The following DNAH6 variants were observed in gnomAD, a reference collection of about 807,000 sequenced individuals.
The protein encoded by DNAH6 is axonemal beta dynein heavy chain 6.
Under a neutral mutation model 491.4 loss-of-function variants are expected in DNAH6, and 340 were observed. The observed-to-expected ratio is 0.69, with a 90% confidence interval of 0.63 to 0.76. DNAH6 has a LOEUF of 0.76. DNAH6 is among the 30% of genes least tolerant of loss of function. The pLI is 0.00. For synonymous variants in DNAH6, 1,603 were observed against 1,686.1 expected, an observed-to-expected ratio of 0.95 and a Z score of 1.21; for missense variants, 4,443 against 4,972.2, an observed-to-expected ratio of 0.89 and a Z score of 3.20.
At chr2:84,766,765 G>C (rs1373543655) in intron 64 of DNAH6, among the ~76,000 whole-genome samples, 1 of 152,172 alleles carries the variant, frequency 6.6e-6, no homozygotes. Flanking sequence ...CAGAGGAGGA[G>C]GCTAAGGGGC....
At chr2:84,764,912 T>C (rs936408992) in intron 64 of DNAH6, among the ~76,000 whole-genome samples, 8 of 152,036 alleles carry the variant, frequency 5.3e-5, no homozygotes, top group Non-Finnish European at 1.5e-5. Context: ...TTTGTAATAA[T>C]AAAAGTTGGA....
intron 16 of DNAH6, 94 bp downstream of exon 16, chr2:84,589,048 A>G: frequency 8.6e-7 from 1 of 1,157,618 alleles, no homozygotes; most frequent in Middle Eastern, 2.2e-4. Context: ...TAAACATTCA[A>G]TATTTGGACA....
At position 84,701,048 on chromosome 2, in the gene DNAH6, G is replaced by A; in HGVS notation, c.7819-49G>A. The A allele has an allele frequency of 2.0e-6, 3 of 1,538,050 alleles. No individual in the cohort carries two copies. In the Admixed American group the frequency reaches 6.0e-5, roughly 31 times the overall value. Reference sequence around the variant, plus strand: ...TGTTTTTCTTGGTATTAAACTGTATGTTATTGAAATGACACAACAGATTTT... The same window carrying A: ...TGTTTTTCTTGGTATTAAACTGTATATTATTGAAATGACACAACAGATTTT... On this transcript the variant is annotated intron_variant, in intron 48 of 76. Transcript: ENST00000389394.
At chr2:84,709,212 A>G (rs1696808442) in intron 54 of DNAH6, 131 bp from the exon 55 acceptor site, 1 of 887,362 alleles carries the variant, frequency 1.1e-6, no homozygotes, top group South Asian at 1.6e-5. Context: ...CTCTGATGCA[A>G]GCACATCTGT....
intron 52 of DNAH6, among the ~76,000 whole-genome samples, chr2:84,706,221 T>C (rs1410007317): frequency 6.6e-6 from 1 of 152,184 alleles, no homozygotes; most frequent in Non-Finnish European, 1.5e-5. Flanking sequence ...ACTTTTTCCA[T>C]GAAGACCCAG....
At chr2:84,512,231 A>G (rs532522790), upstream of DNAH6, among the ~76,000 whole-genome samples, 9 of 152,348 alleles carry the variant, frequency 5.9e-5, 1 homozygote, top group South Asian at 1.0e-3. Flanking sequence ...TTCATAAAGA[A>G]CAAAGAGTTA....
At position 84,681,538 on chromosome 2, in the gene DNAH6, T is replaced by C. The variant is rs151050077; in HGVS notation, c.6916+10T>C. The C allele has an allele frequency of 2.0e-6, 3 of 1,504,926 alleles. No homozygotes were observed. In the African/African-American group the frequency reaches 4.2e-5, roughly 21 times the overall value. 93.2% of individuals were successfully genotyped at this position (1,504,926 alleles called of 1,614,324 possible). On this transcript the variant is annotated intron_variant, in intron 42 of 76. Coordinates refer to ENST00000389394, the MANE Select transcript of DNAH6 (RefSeq NM_001370.2). ...TCCAAATGTGTGCAAGGTAGTGTAC[T>C]GAACCCTCGTTTTCTGATCTGCACC...
chr2:84,489,497 C>T, the DNAH6 span, among the ~76,000 whole-genome samples: 1 of 152,100 alleles, frequency 6.6e-6, no homozygotes, highest in Non-Finnish European at 1.5e-5. Flanking sequence ...GGACAAGTTC[C>T]TTCCAAGGCC....
chr2:84,736,749 C>G (rs909078489), intron 62 of DNAH6, among the ~76,000 whole-genome samples: 1 of 152,018 alleles, frequency 6.6e-6, no homozygotes, highest in Non-Finnish European at 1.5e-5. Context: ...CCTTAGGATT[C>G]TCTAGGGACA....
chr2:84,730,630 C>T (rs1280043771), intron 61 of DNAH6, among the ~76,000 whole-genome samples: 1 of 152,140 alleles, frequency 6.6e-6, no homozygotes, highest in Admixed American at 6.5e-5. Flanking sequence ...CATTCAAAAC[C>T]GTCCTAGGCT....
chr2:84,646,779 T>C (rs1461485746), intron 33 of DNAH6, among the ~76,000 whole-genome samples: 1 of 152,180 alleles, frequency 6.6e-6, no homozygotes, highest in East Asian at 1.9e-4. Flanking sequence ...TGTGACTGAA[T>C]TGCTGCAATC....
At chr2:84,649,090 T>A (rs576662892) in intron 33 of DNAH6, among the ~76,000 whole-genome samples, 27 of 152,362 alleles carry the variant, frequency 1.8e-4, no homozygotes, top group African/African-American at 6.3e-4. Context: ...TTAGCCTTTT[T>A]TAGCAATAAA....
rs1694172436 is a variant in DNAH6 at position 84,685,401 on chromosome 2, G to T, written c.6992G>T (p.Arg2331Met). The change falls in exon 43 of 77, where the codon AGG becomes ATG. Residue 2331 changes from arginine to methionine, a missense_variant. Physicochemically the swap from Arg to Met is moderately conservative, Grantham distance 91. Around this residue, in one of 3 missense-constraint regions of DNAH6, gnomAD observed 2,977 missense variants for 3,296.6 expected, o/e 0.90. Transcript: ENST00000389394. ...IFRLFCHECQRVFHDRLINNE... is the reference protein window; with the variant it reads ...IFRLFCHECQMVFHDRLINNE... ...AGACTCTTTTGCCATGAGTGCCAAA[G>T]GGTCTTCCATGATCGCTTGATTAAT... is the stretch of plus-strand genomic sequence containing the variant. The T allele has an allele frequency of 6.5e-7, 1 of 1,531,390 alleles. No homozygotes were observed. The highest frequency in any genetic ancestry group is 8.8e-7 in the Non-Finnish European group (1 of 1,134,190). 94.9% of individuals were successfully genotyped at this position (1,531,390 alleles called of 1,614,324 possible).
the DNAH6 span, among the ~76,000 whole-genome samples, chr2:84,461,711 A>G: frequency 6.6e-6 from 1 of 152,208 alleles, no homozygotes; most frequent in African/African-American, 2.4e-5. Flanking sequence ...TCTTTTTTAC[A>G]TGGCAGGATC....
At chr2:84,762,704 A>C in intron 63 of DNAH6, 51 bp from the exon 64 acceptor site, 2 of 1,363,776 alleles carry the variant, frequency 1.5e-6, no homozygotes, top group Non-Finnish European at 2.0e-6. Context: ...TTAGGATAAA[A>C]TTATGAAGGA....
At chr2:84,531,731 G>C (rs1017863015) in intron 4 of DNAH6, among the ~76,000 whole-genome samples, 3 of 97,406 alleles carry the variant, frequency 3.1e-5, no homozygotes, top group African/African-American at 8.6e-5. Flanking sequence ...GATGGTAGAC[G>C]AAGGAGAATT....
At chr2:84,509,992 C>T in the DNAH6 span, among the ~76,000 whole-genome samples, 127 of 152,356 alleles carry the variant, frequency 8.3e-4, 2 homozygotes, top group African/African-American at 2.9e-3. Flanking sequence ...ACCTTTCTCT[C>T]TGGCTGCCCT....
At chr2:84,480,925 T>G in the DNAH6 span, among the ~76,000 whole-genome samples, 1 of 150,952 alleles carries the variant, frequency 6.6e-6, no homozygotes, top group Non-Finnish European at 1.5e-5. Context: ...ATTGCACCAT[T>G]GCACTCCAGC....
chr2:84,518,861 G>C (rs1034066460), intron 2 of DNAH6, among the ~76,000 whole-genome samples: 1 of 152,156 alleles, frequency 6.6e-6, no homozygotes, highest in Non-Finnish European at 1.5e-5. Flanking sequence ...TAAGCAGACT[G>C]AACAATTTCA....
Sources: allele counts gnomAD v4.1 joint callset (sites outside exome capture counted in the v4.1 genomes callset), GRCh38; gene constraint gnomAD v4.1.1; regional missense constraint gnomAD v4.1.1; transcripts MANE v1.5; gene names NCBI Gene and HGNC (gene_info 2026-07-23, HGNC 2026-07-21).